Variants in CELF2 observed in about 807,000 individuals in gnomAD.
CELF2 encodes CUG triplet repeat RNA-binding protein 2.
In CELF2, 8 loss-of-function variants were observed where a neutral mutation model predicts 62.6. That is an observed-to-expected ratio of 0.13 (90% CI 0.07 to 0.23). CELF2 has a LOEUF of 0.23. Ranked by LOEUF, CELF2 falls within the 10% of genes least tolerant of loss-of-function variation. The pLI, the probability that CELF2 is intolerant of heterozygous loss-of-function variation, is 1.00. For synonymous variants in CELF2, 258 were observed against 250.0 expected (o/e 1.03, Z -0.30); for missense variants, 333 against 671.0 (o/e 0.50, Z 5.56).
intron 1 of CELF2, chr10:11,030,440 A>G (rs953640475): frequency 6.6e-6 from 1 of 152,032 alleles, no homozygotes; most frequent in South Asian, 2.1e-4. Context: ...CTGAGGATGC[A>G]CCTCTGTTCC....
the CELF2 span, among the ~76,000 whole-genome samples, chr10:10,788,740 G>A: frequency 1.6e-4 from 24 of 152,240 alleles, no homozygotes; most frequent in East Asian, 3.7e-3. Flanking sequence ...TAGGATTACA[G>A]GCATGAGCCA....
intron 1 of CELF2, among the ~76,000 whole-genome samples, chr10:10,825,462 G>A (rs1057395406): frequency 1.1e-4 from 16 of 152,036 alleles, no homozygotes; most frequent in African/African-American, 3.6e-4. Context: ...TGTCCACCTC[G>A]GCCTCCCAAA....
intron 2 of CELF2, among the ~76,000 whole-genome samples, chr10:11,209,679 G>A (rs1265024834): frequency 6.6e-6 from 1 of 151,726 alleles, no homozygotes; most frequent in Non-Finnish European, 1.5e-5. Flanking sequence ...GTGAAAGTAG[G>A]GGGTCCTGGC....
intron 1 of CELF2, among the ~76,000 whole-genome samples, chr10:11,123,592 A>G (rs974763232): frequency 2.6e-5 from 4 of 152,128 alleles, no homozygotes; most frequent in African/African-American, 4.8e-5. Flanking sequence ...GAGTTGGGTG[A>G]TAATCCTCTG....
At chr10:10,509,738 T>G in the CELF2 span, among the ~76,000 whole-genome samples, 1 of 152,212 alleles carries the variant, frequency 6.6e-6, no homozygotes, top group Non-Finnish European at 1.5e-5. Flanking sequence ...TAGCCACACA[T>G]ACTGCAAACT....
At chr10:10,971,915 T>C (rs972810425) in intron 2 of CELF2, among the ~76,000 whole-genome samples, 1 of 152,150 alleles carries the variant, frequency 6.6e-6, no homozygotes, top group Non-Finnish European at 1.5e-5. Context: ...CTTCTTTTCT[T>C]TTTGTTTTTA....
At chr10:11,044,079 A>G (rs2062360432) in intron 1 of CELF2, among the ~76,000 whole-genome samples, 1 of 152,134 alleles carries the variant, frequency 6.6e-6, no homozygotes, top group Non-Finnish European at 1.5e-5. Context: ...CACTTCTTCT[A>G]AGAATCTACT....
the CELF2 span, among the ~76,000 whole-genome samples, chr10:10,613,795 G>A: frequency 6.6e-6 from 1 of 152,110 alleles, no homozygotes; most frequent in Non-Finnish European, 1.5e-5. Context: ...TGTAACACAG[G>A]GGTATGATTA....
At chr10:10,561,059 G>T in the CELF2 span, among the ~76,000 whole-genome samples, 6 of 152,178 alleles carry the variant, frequency 3.9e-5, no homozygotes, top group Admixed American at 3.9e-4. Context: ...TATTAAATAT[G>T]GTACAGGGTA....
intron 1 of CELF2, among the ~76,000 whole-genome samples, chr10:10,914,438 A>C (rs1347168363): frequency 6.6e-6 from 1 of 152,244 alleles, no homozygotes; most frequent in East Asian, 1.9e-4. Flanking sequence ...CACGCTTTGC[A>C]CTGATGAATG....
chr10:10,781,850 G>A, the CELF2 span, among the ~76,000 whole-genome samples: 3 of 152,024 alleles, frequency 2.0e-5, no homozygotes, highest in African/African-American at 7.3e-5. Flanking sequence ...TCACCTCCCT[G>A]TATCCATACT....
rs374011486 is a variant in CELF2 at position 11,218,075 on chromosome 10, A to G, written c.354+568A>G. Among the ~76,000 whole-genome samples the G allele has an allele frequency of 4.6e-5, 7 of 152,340 alleles. No individual in the cohort carries two copies. In the East Asian group the frequency reaches 7.7e-4, roughly 17 times the overall value. On this transcript the variant is annotated intron_variant, in intron 3 of 12. Coordinates refer to ENST00000633077, the MANE Select transcript of CELF2 (RefSeq NM_001326342.2). ...TTTTTTTCTCCGTTTCCTTCCCAGT[A>G]ATATTTGATAGTTGGCACAATTCAC...
the CELF2 span, among the ~76,000 whole-genome samples, chr10:10,488,260 C>T: frequency 6.2e-3 from 941 of 152,168 alleles, 11 homozygotes; most frequent in African/African-American, 0.022. Flanking sequence ...TGAAAACAAA[C>T]GACTGAACTA....
the CELF2 span, among the ~76,000 whole-genome samples, chr10:10,471,733 C>T: frequency 6.6e-6 from 1 of 151,716 alleles, no homozygotes; most frequent in Non-Finnish European, 1.5e-5. Flanking sequence ...TTGATATAGC[C>T]TGTATATAAA....
At chr10:10,879,403 C>T (rs1451241017) in intron 1 of CELF2, among the ~76,000 whole-genome samples, 5 of 152,106 alleles carry the variant, frequency 3.3e-5, no homozygotes, top group Admixed American at 6.6e-5. Context: ...AACTTGACTC[C>T]GGCCTATGTA....
chr10:10,505,887 A>G, the CELF2 span, among the ~76,000 whole-genome samples: 2 of 152,200 alleles, frequency 1.3e-5, no homozygotes, highest in Admixed American at 1.3e-4. Context: ...CTTCAGCTCT[A>G]TATCTGGGAA....
chr10:11,094,178 A>G (rs1158809496), intron 1 of CELF2, among the ~76,000 whole-genome samples: 1 of 152,222 alleles, frequency 6.6e-6, no homozygotes, highest in African/African-American at 2.4e-5. Flanking sequence ...CTTGCTGGCG[A>G]CCTAGCTGCG....
In CELF2 at chr10:11,177,238, G is replaced by GT. The variant is rs941271099; in HGVS notation, c.271+11557dup. 2.6e-4 allele frequency among the ~76,000 whole-genome samples: 39 copies of GT among 152,230 alleles called. No individual in the cohort carries two copies. The highest frequency in any genetic ancestry group is 3.4e-3 in the Middle Eastern group (1 of 294). ...CCTACACAGAATGTTTAGTAGGGAG[G>GT]TATTAAAATTAATAGCAATTCTGAG... On this transcript the variant is annotated intron_variant, in intron 2 of 12. Transcript: ENST00000633077. This position sits in a 1 kb window ranked among gnomAD's most constrained non-coding sequence, Gnocchi z 4.8.
chr10:10,723,260 T>C, the CELF2 span, among the ~76,000 whole-genome samples: 1 of 152,118 alleles, frequency 6.6e-6, no homozygotes, highest in African/African-American at 2.4e-5. Flanking sequence ...AAAGAATGAG[T>C]CTAGCTGTCT....
Sources: gnomAD v4.1 joint callset for allele counts (sites outside exome capture counted in the v4.1 genomes callset) on GRCh38, gnomAD v4.1.1 for gene constraint, Gnocchi (gnomAD v3.1) non-coding constraint, MANE v1.5 for transcripts, NCBI Gene and HGNC (gene_info 2026-07-23, HGNC 2026-07-21) for gene names.